Variants in SLC12A8 observed in about 807,000 individuals in gnomAD.
SLC12A8 encodes solute carrier family 12 member 8.
Under a neutral mutation model 75.6 loss-of-function variants are expected in SLC12A8, and 69 were observed. That is an observed-to-expected ratio of 0.91 (90% CI 0.75 to 1.11). SLC12A8 has a LOEUF of 1.11. SLC12A8 is among the 50% of genes most tolerant of loss of function. The pLI, the probability that SLC12A8 is intolerant of heterozygous loss-of-function variation, is 0.00. For missense variants in SLC12A8, 877 were observed against 896.7 expected (o/e 0.98, Z 0.28); for synonymous variants, 365 against 372.8 (o/e 0.98, Z 0.24).
At chr3:125,199,200 T>C (rs1935072070) in intron 2 of SLC12A8, among the ~76,000 whole-genome samples, 1 of 152,226 alleles carries the variant, frequency 6.6e-6, no homozygotes, top group Non-Finnish European at 1.5e-5. Flanking sequence ...GGACATGATG[T>C]CTGCAAATTG....
chr3:125,106,460 T>TCAAG lies in SLC12A8; in HGVS notation c.1705+1017_1705+1020dup, dbSNP rs553937543. Among the ~76,000 whole-genome samples the TCAAG allele has an allele frequency of 3.8e-3, 573 of 152,074 alleles. 5 individuals are homozygous for TCAAG. The highest frequency in any genetic ancestry group is 0.013 in the African/African-American group (547 of 41,466). On this transcript the variant is annotated intron_variant, in intron 10 of 13. Coordinates refer to ENST00000469902, the MANE Select transcript of SLC12A8 (RefSeq NM_024628.6). ...TCACTGCAACCTCTGCCTCCCAGGC[T>TCAAG]CAAGCAACTCTCCTGCCACTGCAAC... is the stretch of plus-strand genomic sequence containing the variant.
intron 10 of SLC12A8, among the ~76,000 whole-genome samples, chr3:125,105,095 C>T (rs144170066): frequency 6.6e-6 from 1 of 151,498 alleles, no homozygotes; most frequent in South Asian, 2.1e-4. Flanking sequence ...TCATTAGAAG[C>T]CTTGGGAGAG....
At position 125,083,822 on chromosome 3, in the gene SLC12A8, C is replaced by A; in HGVS notation, c.*68G>T. On this transcript the variant is annotated 3_prime_UTR_variant, in exon 14 of 14. Transcript: ENST00000469902. ...TTCTCAGGTTGGAGAAGCAGCTCCA[C>A]GAAGGTCCTGAGCTTGGGTCCACTG... The A allele has an allele frequency of 6.7e-7, 1 of 1,488,642 alleles. No homozygotes were observed. 92.2% of individuals were successfully genotyped at this position (1,488,642 alleles called of 1,614,324 possible). A position where few individuals can be genotyped will look rare whatever the true frequency, so the allele number is the denominator to read the frequency against.
Position 125,187,393 on chromosome 3 carries a change from C to A in SLC12A8, c.234G>T (p.Val78=). 6.2e-7 allele frequency: 1 copy of A among 1,614,194 alleles called. No individual in the cohort carries two copies. The highest frequency in any genetic ancestry group is 8.5e-7 in the Non-Finnish European group (1 of 1,180,036). The change falls in exon 4 of 14, where the codon GTG becomes GTT. Residue 78 remains valine, a synonymous_variant. Coordinates refer to ENST00000469902, the MANE Select transcript of SLC12A8 (RefSeq NM_024628.6). ...CGAGGGCCACCAGGATGACGAAGGACACCAGGAACATGCCCAGGAGCACTC... is the reference window on the plus strand; with the variant it reads ...CGAGGGCCACCAGGATGACGAAGGAAACCAGGAACATGCCCAGGAGCACTC... ...NTGVLLGMFL[V]SFVILVALVT...
chr3:125,170,335 A>G (rs1934381484), intron 5 of SLC12A8, among the ~76,000 whole-genome samples: 1 of 152,244 alleles, frequency 6.6e-6, no homozygotes, highest in Non-Finnish European at 1.5e-5. Context: ...TGCAGGATGT[A>G]CACATCAGCA....
chr3:125,128,834 C>T (rs572935431), intron 6 of SLC12A8, among the ~76,000 whole-genome samples: 38 of 152,128 alleles, frequency 2.5e-4, no homozygotes, highest in Non-Finnish European at 3.5e-4. Flanking sequence ...ACCCAGGGGA[C>T]GCCTAGGAGG....
intron 5 of SLC12A8, among the ~76,000 whole-genome samples, chr3:125,164,111 C>T (rs1934236700): frequency 6.6e-6 from 1 of 152,316 alleles, no homozygotes; most frequent in East Asian, 1.9e-4. Flanking sequence ...CAGGCATGAA[C>T]GGGCCCAGCG....
intron 5 of SLC12A8, among the ~76,000 whole-genome samples, chr3:125,176,546 A>C (rs1260946347): frequency 6.6e-6 from 1 of 152,216 alleles, no homozygotes. Flanking sequence ...CAACCTACAC[A>C]ATGGGAGAAA....
intron 10 of SLC12A8, among the ~76,000 whole-genome samples, chr3:125,099,709 C>G (rs1023474984): frequency 1.3e-5 from 2 of 152,008 alleles, no homozygotes; most frequent in Non-Finnish European, 2.9e-5. Flanking sequence ...CATGCAGAAC[C>G]CCTAAGGTCA....
intron 5 of SLC12A8, among the ~76,000 whole-genome samples, chr3:125,161,542 G>T (rs549984356): frequency 7.2e-4 from 110 of 152,248 alleles, no homozygotes; most frequent in African/African-American, 2.6e-3. Context: ...CAGATCCCTG[G>T]TCTTTCTCTC....
chr3:125,176,139 G>A (rs933310254), intron 5 of SLC12A8, among the ~76,000 whole-genome samples: 8 of 152,168 alleles, frequency 5.3e-5, no homozygotes, highest in African/African-American at 1.9e-4. Flanking sequence ...GAAAAGCAGA[G>A]TTGCTGTCAC....
chr3:125,142,097 C>A (rs1933662837), intron 5 of SLC12A8, among the ~76,000 whole-genome samples: 1 of 152,230 alleles, frequency 6.6e-6, no homozygotes. Context: ...CCTCTCAGCA[C>A]CTGTACCTCG....
At chr3:125,155,625 G>GCCGGGTGTGGTAACGGGCAC (rs538840861) in intron 5 of SLC12A8, among the ~76,000 whole-genome samples, 1 of 119,586 alleles carries the variant, frequency 8.4e-6, no homozygotes, top group African/African-American at 3.0e-5. Context: ...CAAAAAAGTA[G>GCCGGGTGTGGTAACGGGCAC]CTGTAGTCCC....
chr3:125,090,397 G>A (rs1938555817), intron 12 of SLC12A8, among the ~76,000 whole-genome samples: 1 of 152,200 alleles, frequency 6.6e-6, no homozygotes, highest in Non-Finnish European at 1.5e-5. Flanking sequence ...ATATTCTGCT[G>A]TTTTGGGGTA....
chr3:125,168,671 A>G (rs989997735), intron 5 of SLC12A8, among the ~76,000 whole-genome samples: 4 of 152,226 alleles, frequency 2.6e-5, no homozygotes, highest in Non-Finnish European at 5.9e-5. Context: ...TAGGTGGTCA[A>G]CAGTGCAAAA....
intron 8 of SLC12A8, among the ~76,000 whole-genome samples, chr3:125,114,887 A>T (rs1251677288): frequency 3.9e-5 from 6 of 152,144 alleles, no homozygotes; most frequent in Admixed American, 3.9e-4. Context: ...CATTTAATCT[A>T]TTTAATTTCA....
intron 10 of SLC12A8, 65 bp from the exon 11 acceptor site, chr3:125,092,263 T>C: frequency 8.8e-7 from 1 of 1,132,884 alleles, no homozygotes; most frequent in Non-Finnish European, 1.3e-6. Flanking sequence ...TTTAGGAAAA[T>C]ATACCTATGA....
At chr3:125,172,274 TA>T (rs34741672) in intron 5 of SLC12A8, among the ~76,000 whole-genome samples, 3 of 145,830 alleles carry the variant, frequency 2.1e-5, no homozygotes, top group East Asian at 2.0e-4. Flanking sequence ...AACTCCTTCT[TA>T]AAAAAAAAAA....
intron 3 of SLC12A8, among the ~76,000 whole-genome samples, chr3:125,189,300 A>G (rs1560080994): frequency 6.6e-6 from 1 of 152,194 alleles, no homozygotes; most frequent in African/African-American, 2.4e-5. Context: ...GCTAATATAT[A>G]CATGACATAC....
Sources: allele counts gnomAD v4.1 joint callset (sites outside exome capture counted in the v4.1 genomes callset), GRCh38; gene constraint gnomAD v4.1.1; transcripts MANE v1.5; gene names NCBI Gene and HGNC (gene_info 2026-07-23, HGNC 2026-07-21).